Variants in IGSF9B observed in about 807,000 individuals in gnomAD.
The protein encoded by IGSF9B is protein turtle homolog B.
In IGSF9B, 48 loss-of-function variants were observed where a neutral mutation model predicts 143.7. That is an observed-to-expected ratio of 0.33 (90% CI 0.26 to 0.42). The LOEUF (loss-of-function observed/expected upper bound fraction) is 0.42. Among genes scored for constraint, IGSF9B ranks in the 20% least tolerant of loss-of-function variants. IGSF9B has a pLI of 1.00. For synonymous variants in IGSF9B, 903 were observed against 833.1 expected (o/e 1.08, Z -1.44); for missense variants, 1,706 against 1,980.0 (o/e 0.86, Z 2.63).
rs945630280 is a variant in IGSF9B, at chr11:133,905,581, A to G, written c.*3488T>C. On this transcript the variant is annotated 3_prime_UTR_variant, in exon 20 of 20. Transcript: ENST00000533871. The surrounding 1 kb of genome is among the most constrained non-coding windows in gnomAD (Gnocchi z 4.0). ...TAACAAGAAATACTCGGCTCAATCCACCCGGCTTCAGTCTTCCCCCAAGCG... is the reference window on the plus strand; with the variant it reads ...TAACAAGAAATACTCGGCTCAATCCGCCCGGCTTCAGTCTTCCCCCAAGCG... Among the ~76,000 whole-genome samples, 6 of 152,172 alleles carry G rather than the reference A, an allele frequency of 3.9e-5. No individual in the cohort carries two copies. Among genetic ancestry groups the G allele is most frequent in the Non-Finnish European group, 7.3e-5 (5 of 68,028 alleles).
At position 133,924,107 on chromosome 11, in the gene IGSF9B, C is replaced by T. The variant is rs146787714; in HGVS notation, c.2119+713G>A. Reference sequence around the variant, plus strand: ...AGTCCTGCTGCATGAGCTCCTCAGACGAGGTCACTGTCACCTGGTCCCAGG... The same window carrying T: ...AGTCCTGCTGCATGAGCTCCTCAGATGAGGTCACTGTCACCTGGTCCCAGG... On this transcript the variant is annotated intron_variant, in intron 15 of 19. Coordinates refer to ENST00000533871, the MANE Select transcript of IGSF9B (RefSeq NM_001277285.4). Among the ~76,000 whole-genome samples, 854 of 152,340 alleles carry T rather than the reference C, an allele frequency of 5.6e-3. 4 individuals are homozygous for T. The highest frequency in any genetic ancestry group is 8.7e-3 in the Non-Finnish European group (590 of 68,038).
At chr11:133,924,326 A>T (rs1171508489) in intron 15 of IGSF9B, among the ~76,000 whole-genome samples, 2 of 152,224 alleles carry the variant, frequency 1.3e-5, no homozygotes, top group Non-Finnish European at 2.9e-5. Flanking sequence ...AATGCTAGGG[A>T]ATTGGCTTTA....
At position 133,911,953 on chromosome 11, in the gene IGSF9B, C is replaced by T; in HGVS notation, c.4038G>A (p.Leu1346=). 1 of 1,534,990 alleles carries T rather than the reference C, an allele frequency of 6.5e-7. No homozygotes were observed. The highest frequency in any genetic ancestry group is 8.7e-7 in the Non-Finnish European group (1 of 1,146,540). Residue 1346 remains leucine (L), a synonymous_variant, in exon 19 of 20, where the codon CTG becomes CTA. Transcript: ENST00000533871. ...NAAAPERLEA[L]KYQRIKKPKK... ...TGGGCTTCTTTATCCGTTGGTATTT[C>T]AGAGCCTCCAGCCTCTCAGGCGCAG...
At chr11:133,940,060 TCA>T (rs778602167) in intron 3 of IGSF9B, among the ~76,000 whole-genome samples, 116 of 109,954 alleles carry the variant, frequency 1.1e-3, no homozygotes, top group Non-Finnish European at 1.7e-3. Flanking sequence ...GCACGTGTCA[TCA>T]TATACAGAAA....
rs757921495 is a variant in IGSF9B at position 133,919,839 on chromosome 11, C to T, written c.3886G>A (p.Asp1296Asn). The change falls in exon 18 of 20, where the codon GAC becomes AAC. Residue 1296 changes from aspartate (D) to asparagine (N), a missense_variant. Around this residue, in one of 7 missense-constraint regions of IGSF9B, gnomAD observed 880 missense variants for 762.9 expected, o/e 1.15. Transcript: ENST00000533871. ...GTCTGTCCAAACACGTCCAAGCTGT[C>T]CCCAGGCCCAGCAGGGGCGGGGCCG... ...PPGPAPAGPG[D>N]SLDVFGQTPS... 1 of 1,579,234 alleles carries T rather than the reference C, an allele frequency of 6.3e-7. No individual in the cohort carries two copies. Among genetic ancestry groups the T allele is most frequent in the African/African-American group, 1.4e-5 (1 of 73,532 alleles).
intron 15 of IGSF9B, among the ~76,000 whole-genome samples, chr11:133,924,504 G>A (rs1364766529): frequency 6.6e-6 from 1 of 152,190 alleles, no homozygotes; most frequent in African/African-American, 2.4e-5. Context: ...AGAGGAAACT[G>A]AAAATGTACA....
intron 13 of IGSF9B, among the ~76,000 whole-genome samples, chr11:133,926,229 G>A (rs939686344): frequency 9.2e-5 from 14 of 152,228 alleles, no homozygotes; most frequent in African/African-American, 3.1e-4. Context: ...CTTCCAGGGA[G>A]CTAGGGATAT....
At chr11:133,938,107 C>G in intron 3 of IGSF9B, 146 bp from the exon 4 acceptor site, 1 of 881,012 alleles carries the variant, frequency 1.1e-6, no homozygotes, top group East Asian at 2.7e-5. Context: ...GAAAAACTTT[C>G]TGCCTACCAA....
intron 3 of IGSF9B, among the ~76,000 whole-genome samples, chr11:133,939,373 C>G (rs1939881063): frequency 6.6e-6 from 1 of 152,280 alleles, no homozygotes; most frequent in Non-Finnish European, 1.5e-5. Context: ...CTGTCTCTCT[C>G]TGTGTGTTTA....
chr11:133,935,972 C>T, intron 6 of IGSF9B, 81 bp downstream of exon 6: 3 of 1,525,576 alleles, frequency 2.0e-6, no homozygotes, highest in Admixed American at 1.9e-5. Context: ...GGGCAGCCTG[C>T]CCGTGCAATT....
rs1393607659 is a variant in IGSF9B, at chr11:133,907,444, A to C, written c.*1625T>G. 1.3e-5 allele frequency among the ~76,000 whole-genome samples: 2 copies of C among 152,122 alleles called. No homozygotes were observed. Among genetic ancestry groups the C allele is most frequent in the Non-Finnish European group, 2.9e-5 (2 of 68,018 alleles). On this transcript the variant is annotated 3_prime_UTR_variant, in exon 20 of 20. Transcript: ENST00000533871. ...ACTCGGGAGAGGTGGGTGCCCCCAA[A>C]CCCACCAAGACAGCAGCACCAAGAA...
chr11:133,925,898 C>A lies in IGSF9B; in HGVS notation c.1875G>T (p.Arg625=). 6.2e-7 allele frequency: 1 copy of A among 1,612,470 alleles called. No individual in the cohort carries two copies. The highest frequency in any genetic ancestry group is 8.5e-7 in the Non-Finnish European group (1 of 1,179,240). ...AGGACAGGAGCACACCCTGCTGAGT[C>A]CGATTGGCTATGAGGCACCTCGGTG... ...VTPPRCLIAN[R]TQQGVLLSWL... Residue 625 remains arginine (R), a synonymous_variant, in exon 14 of 20, where the codon CGG becomes CGT. Coordinates refer to ENST00000533871, the MANE Select transcript of IGSF9B (RefSeq NM_001277285.4).
At chr11:133,947,483 G>C (rs1038281235) in intron 1 of IGSF9B, among the ~76,000 whole-genome samples, 1 of 152,200 alleles carries the variant, frequency 6.6e-6, no homozygotes, top group Non-Finnish European at 1.5e-5. Flanking sequence ...GTACCGAAGC[G>C]GCAGCTTAAA....
At position 133,902,667 on chromosome 11, in the gene IGSF9B, G is replaced by A. The variant is rs1272235541; in HGVS notation, c.*6402C>T. On this transcript the variant is annotated 3_prime_UTR_variant, in exon 20 of 20. Coordinates refer to ENST00000533871, the MANE Select transcript of IGSF9B (RefSeq NM_001277285.4). Reference sequence around the variant, plus strand: ...GGTTAGAGACCAGGGGGACAACCTGGTGCCTGCAGAAGGACACATGAGACA... The same window carrying A: ...GGTTAGAGACCAGGGGGACAACCTGATGCCTGCAGAAGGACACATGAGACA... Among the ~76,000 whole-genome samples, 1 of 151,512 alleles carries A rather than the reference G, an allele frequency of 6.6e-6. No individual in the cohort carries two copies. The highest frequency in any genetic ancestry group is 6.6e-5 in the Admixed American group (1 of 15,180).
intron 18 of IGSF9B, chr11:133,912,312 G>A (rs1159954176): frequency 3.7e-6 from 2 of 534,228 alleles, no homozygotes; most frequent in Non-Finnish European, 7.2e-6. Context: ...TGTAACGCAA[G>A]CTGGGATGCA....
At chr11:133,943,509 G>GC (rs1264952364) in intron 3 of IGSF9B, among the ~76,000 whole-genome samples, 1 of 152,086 alleles carries the variant, frequency 6.6e-6, no homozygotes, top group Non-Finnish European at 1.5e-5. Context: ...CCCAGCCTAG[G>GC]CCAACTCCCA....
At chr11:133,919,624 TGCG>T in intron 18 of IGSF9B, 115 bp downstream of exon 18, 1 of 667,748 alleles carries the variant, frequency 1.5e-6, no homozygotes, top group Non-Finnish European at 2.3e-6. Context: ...GGGACGCCGG[TGCG>T]GCATGTCCGC....
Position 133,920,587 on chromosome 11 carries a change from G to T in IGSF9B, c.3138C>A (p.Pro1046=). The T allele has an allele frequency of 6.2e-7, 1 of 1,613,496 alleles. No individual in the cohort carries two copies. The highest frequency in any genetic ancestry group is 8.5e-7 in the Non-Finnish European group (1 of 1,179,784). The change falls in exon 18 of 20, where the codon CCC becomes CCA. Residue 1046 remains proline (P), a synonymous_variant. Coordinates refer to ENST00000533871, the MANE Select transcript of IGSF9B (RefSeq NM_001277285.4). ...SPEPWGRPEF[P]FGGLETPAMM... ...TCGCTGGGGTCTCCAGCCCCCCGAA[G>T]GGGAATTCTGGCCGGCCCCAGGGCT...
intron 7 of IGSF9B, among the ~76,000 whole-genome samples, chr11:133,934,241 T>C: frequency 6.6e-6 from 1 of 152,168 alleles, no homozygotes; most frequent in East Asian, 1.9e-4. Context: ...GGGGCCTTCA[T>C]CCTGGCCAGC....
Sources: gnomAD v4.1 joint callset for allele counts (sites outside exome capture counted in the v4.1 genomes callset) on GRCh38, gnomAD v4.1.1 for gene constraint, gnomAD v4.1.1 regional missense constraint, Gnocchi (gnomAD v3.1) non-coding constraint, MANE v1.5 for transcripts, NCBI Gene and HGNC (gene_info 2026-07-23, HGNC 2026-07-21) for gene names.